Variants in GRID2 observed in about 807,000 individuals in gnomAD.
The protein encoded by GRID2 is glutamate receptor ionotropic, delta-2.
GRID2 carries 33 observed loss-of-function variants against 114.8 expected under a neutral mutation model. The observed-to-expected ratio is 0.29, with a 90% confidence interval of 0.22 to 0.38. GRID2 has a LOEUF of 0.38. Among genes scored for constraint, GRID2 ranks in the 10% least tolerant of loss-of-function variants. GRID2 has a pLI of 1.00. For missense variants in GRID2, 1,184 were observed against 1,257.7 expected, an observed-to-expected ratio of 0.94 and a Z score of 0.89; for synonymous variants, 505 against 449.9, an observed-to-expected ratio of 1.12 and a Z score of -1.55.
intron 2 of GRID2, among the ~76,000 whole-genome samples, chr4:92,847,410 T>C (rs1743407151): frequency 6.6e-6 from 1 of 152,076 alleles, no homozygotes; most frequent in Non-Finnish European, 1.5e-5. Flanking sequence ...ACTCAATAGC[T>C]GCTACATGAT....
intron 4 of GRID2, 112 bp downstream of exon 4, chr4:93,111,065 A>G (rs1190268131): frequency 2.9e-6 from 2 of 686,874 alleles, no homozygotes; most frequent in Non-Finnish European, 5.1e-6. Flanking sequence ...TAACTACACA[A>G]TTCTTGTTAA....
intron 1 of GRID2, among the ~76,000 whole-genome samples, chr4:92,306,740 T>A (rs1465575184): frequency 2.0e-5 from 3 of 152,204 alleles, no homozygotes; most frequent in African/African-American, 7.2e-5. Flanking sequence ...AACTGTTGTA[T>A]TTTTTAGTTT....
intron 8 of GRID2, among the ~76,000 whole-genome samples, chr4:93,276,563 G>A (rs1752081681): frequency 6.6e-6 from 1 of 151,960 alleles, no homozygotes; most frequent in Non-Finnish European, 1.5e-5. Flanking sequence ...CAATACATGA[G>A]CATGTCTTTC....
At chr4:92,950,561 AT>A (rs1751954528) in intron 2 of GRID2, among the ~76,000 whole-genome samples, 1 of 152,120 alleles carries the variant, frequency 6.6e-6, no homozygotes, top group Admixed American at 6.6e-5. Context: ...TACTTGGGGA[AT>A]CTCCTACTTC....
At chr4:92,994,460 C>A (rs1393006589) in intron 2 of GRID2, among the ~76,000 whole-genome samples, 1 of 151,972 alleles carries the variant, frequency 6.6e-6, no homozygotes, top group African/African-American at 2.4e-5. Context: ...TCAGGTGATT[C>A]TCCTACCTCA....
chr4:92,516,369 T>C (rs1047585117), intron 1 of GRID2, among the ~76,000 whole-genome samples: 2 of 151,898 alleles, frequency 1.3e-5, no homozygotes, highest in African/African-American at 2.4e-5. Flanking sequence ...CAACAACTTC[T>C]TTACTATAAC....
chr4:92,499,703 C>T (rs1723575196), intron 1 of GRID2, among the ~76,000 whole-genome samples: 1 of 152,186 alleles, frequency 6.6e-6, no homozygotes, highest in African/African-American at 2.4e-5. Context: ...ACCTCTCTGC[C>T]TTCTGGGTTC....
At chr4:93,558,948 C>T (rs774509335) in intron 13 of GRID2, among the ~76,000 whole-genome samples, 6 of 152,032 alleles carry the variant, frequency 3.9e-5, no homozygotes, top group African/African-American at 7.2e-5. Context: ...AATCAATAGA[C>T]GTAATCCATC....
intron 4 of GRID2, among the ~76,000 whole-genome samples, chr4:93,198,268 G>C (rs1162677872): frequency 3.3e-5 from 5 of 152,192 alleles, no homozygotes; most frequent in Non-Finnish European, 5.9e-5. Flanking sequence ...CTCTGTGTGT[G>C]TTTATTTGTC....
At chr4:92,623,812 A>G (rs955212785) in intron 2 of GRID2, among the ~76,000 whole-genome samples, 1 of 151,796 alleles carries the variant, frequency 6.6e-6, no homozygotes, top group African/African-American at 2.4e-5. Flanking sequence ...TGTATTATTC[A>G]AAAAAACTTT....
chr4:93,534,495 C>A (rs992154887), intron 13 of GRID2, among the ~76,000 whole-genome samples: 21 of 152,094 alleles, frequency 1.4e-4, no homozygotes, highest in African/African-American at 3.9e-4. Flanking sequence ...GTATACCCTG[C>A]ACTAGAATGT....
chr4:93,028,142 A>G (rs576945564), intron 2 of GRID2, among the ~76,000 whole-genome samples: 3 of 152,276 alleles, frequency 2.0e-5, no homozygotes, highest in Admixed American at 6.5e-5. Context: ...ATGAGAACAA[A>G]ATGAATAAAT....
intron 13 of GRID2, among the ~76,000 whole-genome samples, chr4:93,535,365 CAG>C (rs1478171785): frequency 6.6e-6 from 1 of 151,908 alleles, no homozygotes; most frequent in Non-Finnish European, 1.5e-5. Context: ...CATAAGAACA[CAG>C]ATGTATCTTT....
At chr4:93,192,747 CAAAAAAAAAAA>C (rs775968274) in intron 4 of GRID2, among the ~76,000 whole-genome samples, 3 of 43,750 alleles carry the variant, frequency 6.9e-5, no homozygotes, top group African/African-American at 2.4e-4. Flanking sequence ...AACTCCATCT[CAAAAAAAAAAA>C]AAAAAAAAAA....
At chr4:92,748,806 C>A (rs544071600) in intron 2 of GRID2, among the ~76,000 whole-genome samples, 2 of 150,980 alleles carry the variant, frequency 1.3e-5, no homozygotes, top group African/African-American at 2.4e-5. Context: ...GGATTACAGG[C>A]ACACACCACC....
intron 1 of GRID2, among the ~76,000 whole-genome samples, chr4:92,531,488 A>G (rs957648661): frequency 1.3e-5 from 2 of 152,146 alleles, no homozygotes; most frequent in African/African-American, 2.4e-5. Flanking sequence ...GAAGGTACCA[A>G]AAAGGATCAG....
At chr4:93,478,582 TTA>T (rs766495964) in intron 11 of GRID2, among the ~76,000 whole-genome samples, 9 of 151,338 alleles carry the variant, frequency 5.9e-5, no homozygotes, top group Non-Finnish European at 8.8e-5. Context: ...AAATATTAAA[TTA>T]TATAATTAAC....
intron 2 of GRID2, among the ~76,000 whole-genome samples, chr4:93,024,279 G>A (rs1372404948): frequency 6.6e-6 from 1 of 151,602 alleles, no homozygotes; most frequent in Admixed American, 6.6e-5. Context: ...GACAAATGCA[G>A]AGAAATTTCT....
rs70942915 is a variant in GRID2 at position 92,600,044 on chromosome 4, GTATATATATA to G, written c.244+9794_244+9803del. On this transcript the variant is annotated intron_variant, in intron 2 of 15. Transcript: ENST00000282020. ...CATGTATGTGTGTGTGTGTGTGTGT[GTATATATATA>G]TATATATATATATATATATATATAT... Among the ~76,000 whole-genome samples the G allele has an allele frequency of 9.4e-3, 510 of 54,422 alleles. 6 individuals carry two copies. The highest frequency in any genetic ancestry group is 0.026 in the African/African-American group (388 of 14,692). 35.7% of individuals were successfully genotyped at this position (54,422 alleles called of 152,430 possible).
Sources: allele counts gnomAD v4.1 joint callset (sites outside exome capture counted in the v4.1 genomes callset), GRCh38; gene constraint gnomAD v4.1.1; transcripts MANE v1.5; gene names NCBI Gene and HGNC (gene_info 2026-07-23, HGNC 2026-07-21).